ASXL1: variants seen among roughly 807,000 people sequenced by gnomAD.
The protein encoded by ASXL1 is ASXL transcriptional regulator 1.
Under a neutral mutation model 89.1 loss-of-function variants are expected in ASXL1, and 65 were observed. The ratio of observed to expected loss-of-function variants is 0.73; its 90% CI spans 0.60 to 0.90. ASXL1 has a LOEUF of 0.90. ASXL1 is among the 40% of genes least tolerant of loss of function. The pLI is 0.00. For synonymous variants in ASXL1, 739 were observed against 746.9 expected (o/e 0.99, Z 0.17); for missense variants, 1,786 against 1,942.9 (o/e 0.92, Z 1.52).
chr20:32,436,331 G>T lies in ASXL1; in HGVS notation c.3619G>T (p.Val1207Phe). 4 of 1,613,982 alleles carry T rather than the reference G, an allele frequency of 2.5e-6. No individual in the cohort carries two copies. Among genetic ancestry groups the T allele is most frequent in the South Asian group, 1.1e-5 (1 of 91,090 alleles). Residue 1207 changes from valine (V) to phenylalanine (F), a missense_variant, in exon 13 of 13, where the codon GTC becomes TTC. Transcript: ENST00000375687. ...PGAPQKNCKAVPSFDSLHPVT... is the reference protein window; with the variant it reads ...PGAPQKNCKAFPSFDSLHPVT... The stretch of plus-strand genomic sequence containing the variant: ...AGCACCCCAAAAGAATTGCAAGGCA[G>T]TCCCAAGTTTTGACTCCCTCCATCC...
At chr20:32,371,933 C>A in intron 4 of ASXL1, 3 of 365,138 alleles carry the variant, frequency 8.2e-6, no homozygotes, top group Non-Finnish European at 1.0e-5. Flanking sequence ...GTTACATATG[C>A]TGTAATTATA....
At chr20:32,417,887 T>C (rs2049164972) in intron 4 of ASXL1, among the ~76,000 whole-genome samples, 1 of 151,604 alleles carries the variant, frequency 6.6e-6, no homozygotes, top group South Asian at 2.1e-4. Context: ...CTACAAAAAA[T>C]AAAAAAGTTG....
At position 32,377,996 on chromosome 20, in the gene ASXL1, G is replaced by GTGTGTGTGTGTGTGTGTGTA. The variant is rs1303961757; in HGVS notation, c.252+8880_252+8881insGTGTGTGTGTGTATGTGTGT. On this transcript the variant is annotated intron_variant, in intron 4 of 12. Transcript: ENST00000375687. ...TCTGTGTGTGTGTGTGTGTGTGTGT[G>GTGTGTGTGTGTGTGTGTGTA]TGTGTGTTTTGGAGACAGAGTCTCA... is the stretch of plus-strand genomic sequence containing the variant. 3.6e-4 allele frequency among the ~76,000 whole-genome samples: 49 copies of GTGTGTGTGTGTGTGTGTGTA among 137,232 alleles called. 1 individual carries two copies. Among genetic ancestry groups the GTGTGTGTGTGTGTGTGTGTA allele is most frequent in the Non-Finnish European group, 4.8e-5 (3 of 62,794 alleles). 90.0% of individuals were successfully genotyped at this position (137,232 alleles called of 152,430 possible).
chr20:32,397,502 C>T (rs1028574971), intron 4 of ASXL1, among the ~76,000 whole-genome samples: 3 of 147,486 alleles, frequency 2.0e-5, no homozygotes, highest in South Asian at 2.2e-4. Context: ...CGGGTTCAAG[C>T]AGTTCTCCTG....
At chr20:32,413,488 A>G (rs934074052) in intron 4 of ASXL1, among the ~76,000 whole-genome samples, 1 of 152,206 alleles carries the variant, frequency 6.6e-6, no homozygotes, top group Non-Finnish European at 1.5e-5. Flanking sequence ...GATGAAACCC[A>G]GTGCTATTAA....
In ASXL1 at chr20:32,413,603, G is replaced by A. The variant is rs567908974; in HGVS notation, c.253-14525G>A. ...GCTCTCCGCATGGACAGTTTGTGGT[G>A]TAAGGTGGCCAGCCATCCTGGTTTG... On this transcript the variant is annotated intron_variant, in intron 4 of 12. Coordinates refer to ENST00000375687, the MANE Select transcript of ASXL1 (RefSeq NM_015338.6). Among the ~76,000 whole-genome samples, 47 of 152,328 alleles carry A rather than the reference G, an allele frequency of 3.1e-4. No homozygotes were observed. The South Asian group carries it at 7.9e-3, about 26-fold the overall frequency.
chr20:32,359,943 TAA>T (rs2048082916), intron 1 of ASXL1: 1 of 678,416 alleles, frequency 1.5e-6, no homozygotes, highest in Non-Finnish European at 2.7e-6. Flanking sequence ...GCGGATAGCA[TAA>T]GTGTCTCTTG....
At chr20:32,406,940 A>C (rs1456504419) in intron 4 of ASXL1, among the ~76,000 whole-genome samples, 1 of 152,132 alleles carries the variant, frequency 6.6e-6, no homozygotes, top group Non-Finnish European at 1.5e-5. Context: ...ATGGATGCCT[A>C]CCTTGCTGTG....
chr20:32,429,717 C>T lies in ASXL1; in HGVS notation c.566-184C>T. On this transcript the variant is annotated intron_variant, in intron 7 of 12. Coordinates refer to ENST00000375687, the MANE Select transcript of ASXL1 (RefSeq NM_015338.6). The surrounding 1 kb of genome is among the most constrained non-coding windows in gnomAD (Gnocchi z 4.9). ...TACAAATAAAGATGGCAGTTTGGCA[C>T]CTGTAAGGTGATATTTTAAAGCCAG... 1.2e-6 allele frequency: 1 copy of T among 847,164 alleles called. No homozygotes were observed. The highest frequency in any genetic ancestry group is 1.8e-6 in the Non-Finnish European group (1 of 554,056). The allele number at this position is 847,164 out of a possible 1,614,324, so 52.5% of individuals were successfully genotyped here.
At chr20:32,424,720 A>G (rs2011224730) in intron 4 of ASXL1, among the ~76,000 whole-genome samples, 1 of 152,206 alleles carries the variant, frequency 6.6e-6, no homozygotes, top group African/African-American at 2.4e-5. Flanking sequence ...TTGTCATTAA[A>G]TGCTGTACAG....
chr20:32,369,718 CTTT>C (rs386393629), intron 4 of ASXL1, among the ~76,000 whole-genome samples: 6 of 94,582 alleles, frequency 6.3e-5, no homozygotes, highest in Non-Finnish European at 9.9e-5. Flanking sequence ...GCAGATGTGC[CTTT>C]TTTTTTTTTT....
intron 4 of ASXL1, among the ~76,000 whole-genome samples, chr20:32,426,287 G>T (rs2011282717): frequency 2.0e-5 from 3 of 151,946 alleles, no homozygotes; most frequent in Admixed American, 2.0e-4. Flanking sequence ...TTCATCAAGG[G>T]TGTATGTATG....
intron 4 of ASXL1, among the ~76,000 whole-genome samples, chr20:32,369,399 C>A (rs887272029): frequency 6.6e-6 from 1 of 152,100 alleles, no homozygotes; most frequent in African/African-American, 2.4e-5. Flanking sequence ...CAGGCACATG[C>A]CACCATGCTC....
In ASXL1 at chr20:32,429,373, G is replaced by C; in HGVS notation, c.507G>C (p.Leu169=). The stretch of plus-strand genomic sequence containing the variant: ...AAAAGAAAAAGACTGGGGTGATGCT[G>C]CCTCGAGTTGTCCTGACTCCTCTGA... ...NKQKKKTGVM[L]PRVVLTPLKV... Residue 169 remains leucine, a synonymous_variant, in exon 7 of 13, where the codon CTG becomes CTC. Transcript: ENST00000375687. This position sits in a 1 kb window ranked among gnomAD's most constrained non-coding sequence, Gnocchi z 4.9. The C allele has an allele frequency of 6.2e-7, 1 of 1,614,182 alleles. No individual in the cohort carries two copies. The highest frequency in any genetic ancestry group is 8.5e-7 in the Non-Finnish European group (1 of 1,180,024).
intron 4 of ASXL1, among the ~76,000 whole-genome samples, chr20:32,401,320 C>T (rs1034228961): frequency 6.6e-6 from 1 of 152,128 alleles, no homozygotes. Flanking sequence ...CCTGTGTAGT[C>T]ATCATGTCCT....
rs1569334547 is a variant in ASXL1 at position 32,435,699 on chromosome 20, G to A, written c.2987G>A (p.Gly996Asp). 1.2e-6 allele frequency: 2 copies of A among 1,614,178 alleles called. No individual in the cohort carries two copies. The highest frequency in any genetic ancestry group is 1.7e-6 in the Non-Finnish European group (2 of 1,180,034). The change falls in exon 13 of 13, where the codon GGT becomes GAT. Residue 996 changes from glycine to aspartate, a missense_variant. Transcript: ENST00000375687. ...GACTCTGAAGCACTGAGTCCTCACG[G>A]TGAGTCCACGGATACAGCCTCTGAC... ...NGDSEALSPH[G>D]ESTDTASDFE... is the part of the protein sequence containing the mutation.
intron 12 of ASXL1, chr20:32,434,145 G>A (rs1166908981): frequency 2.7e-6 from 2 of 740,204 alleles, no homozygotes; most frequent in Admixed American, 2.9e-5. Flanking sequence ...AAATCCTTTG[G>A]GGTTTTAAAA....
intron 4 of ASXL1, among the ~76,000 whole-genome samples, chr20:32,409,741 A>G (rs1040438043): frequency 6.6e-6 from 1 of 151,980 alleles, no homozygotes; most frequent in Non-Finnish European, 1.5e-5. Flanking sequence ...CAATAGTGAG[A>G]TCCCTATCTT....
chr20:32,419,107 A>T (rs919401477), intron 4 of ASXL1, among the ~76,000 whole-genome samples: 1 of 152,058 alleles, frequency 6.6e-6, no homozygotes, highest in Non-Finnish European at 1.5e-5. Context: ...CTGGGATTAC[A>T]GGCTTGAGCC....
Sources: allele counts gnomAD v4.1 joint callset (sites outside exome capture counted in the v4.1 genomes callset), GRCh38; gene constraint gnomAD v4.1.1; non-coding constraint Gnocchi (gnomAD v3.1); transcripts MANE v1.5; gene names NCBI Gene and HGNC (gene_info 2026-07-23, HGNC 2026-07-21).